The following CDR2L variants were observed in gnomAD, a reference collection of about 807,000 sequenced individuals.
CDR2L encodes the protein cerebellar degeneration-related protein 2-like.
In CDR2L, 19 loss-of-function variants were observed where a neutral mutation model predicts 36.1. The observed-to-expected ratio is 0.53, with a 90% CI of 0.37 to 0.77. The LOEUF (loss-of-function observed/expected upper bound fraction) is 0.77, where lower values mean the gene tolerates loss of function less well. CDR2L is among the 30% of genes least tolerant of loss of function. The probability of loss-of-function intolerance (pLI) is 0.00; values close to 1 mark genes in which losing one functional copy is unlikely to be tolerated. For synonymous variants in CDR2L, 285 were observed against 280.4 expected (o/e 1.02, Z -0.16); for missense variants, 575 against 627.2 (o/e 0.92, Z 0.89).
chr17:74,998,768 C>T (rs1014604994), intron 1 of CDR2L, among the ~76,000 whole-genome samples: 2 of 152,166 alleles, frequency 1.3e-5, no homozygotes, highest in East Asian at 1.9e-4. Context: ...AAGAATATTC[C>T]GTGCGTGAGG....
chr17:75,003,015 G>A (rs2039876199), intron 4 of CDR2L, among the ~76,000 whole-genome samples, 168 bp from the exon 5 acceptor site: 1 of 152,228 alleles, frequency 6.6e-6, no homozygotes, highest in Non-Finnish European at 1.5e-5. Context: ...GAGAGCAGGG[G>A]GAGAAGGGTG....
At position 75,004,646 on chromosome 17, in the gene CDR2L, G is replaced by C. The variant is rs573638805; in HGVS notation, c.*572G>C. 72 of 153,192 alleles carry C rather than the reference G, an allele frequency of 4.7e-4. No individual in the cohort carries two copies. The highest frequency in any genetic ancestry group is 9.3e-4 in the Non-Finnish European group (64 of 68,592). 9.5% of individuals were successfully genotyped at this position (153,192 alleles called of 1,614,324 possible). A position where few individuals can be genotyped will look rare whatever the true frequency, so the allele number is the denominator to read the frequency against. ...CCAGGGTCCTGACCAGGTCAGAGATGTCCCCTGCCATGCAGAGCAGGAAGC... is the reference window on the plus strand; with the variant it reads ...CCAGGGTCCTGACCAGGTCAGAGATCTCCCCTGCCATGCAGAGCAGGAAGC... On this transcript the variant is annotated 3_prime_UTR_variant, in exon 5 of 5. Coordinates refer to ENST00000337231, the MANE Select transcript of CDR2L (RefSeq NM_014603.3).
chr17:75,000,484 G>A (rs952245303), intron 2 of CDR2L, among the ~76,000 whole-genome samples: 15 of 149,698 alleles, frequency 1.0e-4, no homozygotes, highest in Non-Finnish European at 1.8e-4. Flanking sequence ...ATTTTTAGTA[G>A]AGACGAGGTT....
At position 75,003,360 on chromosome 17, in the gene CDR2L, G is replaced by A. The variant is rs1255769733; in HGVS notation, c.684G>A (p.Ser228=). ...REYTAVLQEY[S]ELERQLCEME... ...ACACCGCGGTGCTGCAGGAGTACTCGGAGCTGGAGCGCCAGCTGTGCGAGA... is the reference window on the plus strand; with the variant it reads ...ACACCGCGGTGCTGCAGGAGTACTCAGAGCTGGAGCGCCAGCTGTGCGAGA... The change falls in exon 5 of 5, where the codon TCG becomes TCA. Residue 228 remains serine (S), a synonymous_variant. Transcript: ENST00000337231. 1 of 1,558,158 alleles carries A rather than the reference G, an allele frequency of 6.4e-7. No individual in the cohort carries two copies. The highest frequency in any genetic ancestry group is 8.7e-7 in the Non-Finnish European group (1 of 1,151,798).
intron 1 of CDR2L, among the ~76,000 whole-genome samples, chr17:74,997,506 T>A (rs1194831003): frequency 1.3e-5 from 2 of 152,088 alleles, no homozygotes; most frequent in African/African-American, 4.8e-5. Context: ...CTCTTATCAC[T>A]CACTTAATCT....
rs776084536 is a variant in CDR2L at position 75,003,178 on chromosome 17, G to C, written c.507-5G>C. On this transcript the variant is annotated splice_region_variant and splice_polypyrimidine_tract_variant and intron_variant, in intron 4 of 4. Coordinates refer to ENST00000337231, the MANE Select transcript of CDR2L (RefSeq NM_014603.3). ...CACCCCGCTGCGACTCTCACTACCC[G>C]CCAGGTGCAAGGATGCTTTCCGCCT... 3 of 1,558,056 alleles carry C rather than the reference G, an allele frequency of 1.9e-6. No individual in the cohort carries two copies. Among genetic ancestry groups the C allele is most frequent in the Admixed American group, 3.9e-5 (2 of 51,910 alleles).
chr17:74,999,807 A>AT (rs11344982), intron 2 of CDR2L, among the ~76,000 whole-genome samples, 191 bp downstream of exon 2: 284 of 148,066 alleles, frequency 1.9e-3, no homozygotes, highest in African/African-American at 2.8e-3. Context: ...GCACAACTAG[A>AT]TTTTTTTTTT....
At position 74,994,942 on chromosome 17, in the gene CDR2L, G is replaced by A. The variant is rs544265468; in HGVS notation, c.80-4562G>A. 1.4e-3 allele frequency among the ~76,000 whole-genome samples: 210 copies of A among 152,084 alleles called. 2 individuals carry two copies. Among genetic ancestry groups the A allele is most frequent in the Admixed American group, 8.4e-3 (129 of 15,268 alleles). On this transcript the variant is annotated intron_variant, in intron 1 of 4. Coordinates refer to ENST00000337231, the MANE Select transcript of CDR2L (RefSeq NM_014603.3). Reference sequence around the variant, plus strand: ...AAATTAGCTGGGCGTGGTAGCACGCGCCTGTAGTCCCAGCTACTCGGGAGG... The same window carrying A: ...AAATTAGCTGGGCGTGGTAGCACGCACCTGTAGTCCCAGCTACTCGGGAGG...
At chr17:74,999,648 C>A in intron 2 of CDR2L, 32 bp downstream of exon 2, 1 of 1,352,118 alleles carries the variant, frequency 7.4e-7, no homozygotes, top group Non-Finnish European at 1.0e-6. Context: ...GCCCACACCC[C>A]TCGAGGGCCC....
intron 1 of CDR2L, among the ~76,000 whole-genome samples, chr17:74,988,631 G>C (rs1463171912): frequency 6.6e-6 from 1 of 152,196 alleles, no homozygotes; most frequent in African/African-American, 2.4e-5. Flanking sequence ...CCTACTCAGG[G>C]AGAAGTGGTA....
Position 75,003,678 on chromosome 17 carries a change from C to T in CDR2L, c.1002C>T (p.His334=), listed in dbSNP as rs3744204. 448,754 of 1,458,264 alleles carry T rather than the reference C, an allele frequency of 0.31. 71,547 individuals are homozygous for T. Among genetic ancestry groups the T allele is most frequent in the Admixed American group, 0.42 (15,180 of 36,078 alleles). The allele number at this position is 1,458,264 out of a possible 1,614,324, so 90.3% of individuals were successfully genotyped here. Residue 334 remains histidine, a synonymous_variant, in exon 5 of 5, where the codon CAC becomes CAT. Coordinates refer to ENST00000337231, the MANE Select transcript of CDR2L (RefSeq NM_014603.3). ...TGGCCAAAGACCCAGCCAGCCGGCA[C>T]GCGGGCAACCTCACACTGCACGCCA... The part of the protein sequence containing the change: ...AIVAKDPASR[H]AGNLTLHANS...
In CDR2L at chr17:75,003,311, G is replaced by T; in HGVS notation, c.635G>T (p.Arg212Leu). ...LRSQVSQERQ[R>L]KERAEREYTA... ...TCCCAGGTGAGCCAGGAGCGGCAGC[G>T]CAAGGAGCGGGCGGAGCGCGAGTAC... The change falls in exon 5 of 5, where the codon CGC becomes CTC. Residue 212 changes from arginine to leucine, a missense_variant. Coordinates refer to ENST00000337231, the MANE Select transcript of CDR2L (RefSeq NM_014603.3). The T allele has an allele frequency of 1.9e-6, 3 of 1,555,576 alleles. No individual in the cohort carries two copies. Among genetic ancestry groups the T allele is most frequent in the Non-Finnish European group, 2.6e-6 (3 of 1,150,548 alleles).
chr17:74,997,073 TTTCTTTCTTTC>T lies in CDR2L; in HGVS notation c.80-2428_80-2418del, dbSNP rs1259935734. On this transcript the variant is annotated intron_variant, in intron 1 of 4. Coordinates refer to ENST00000337231, the MANE Select transcript of CDR2L (RefSeq NM_014603.3). ...CTTTCTTTCTTTCTTTCTTTCTTTC[TTTCTTTCTTTC>T]TTTTTTTTTTTTGAGACTGAGTCTC... Among the ~76,000 whole-genome samples, 15 of 3,360 alleles carry T rather than the reference TTTCTTTCTTTC, an allele frequency of 4.5e-3. 1 individual carries two copies. Among genetic ancestry groups the T allele is most frequent in the Admixed American group, 0.022 (3 of 138 alleles). The allele number at this position is 3,360 out of a possible 152,430, so 2.2% of individuals were successfully genotyped here. A position where few individuals can be genotyped will look rare whatever the true frequency, so the allele number is the denominator to read the frequency against.
chr17:74,999,424 G>A, intron 1 of CDR2L, 80 bp from the exon 2 acceptor site: 1 of 927,224 alleles, frequency 1.1e-6, no homozygotes, highest in Non-Finnish European at 1.7e-6. Context: ...GGTTACATTG[G>A]GGTCACCTAG....
intron 1 of CDR2L, among the ~76,000 whole-genome samples, chr17:74,993,497 T>C (rs1338717749): frequency 6.6e-6 from 1 of 152,164 alleles, no homozygotes; most frequent in Non-Finnish European, 1.5e-5. Flanking sequence ...TGCAATGATC[T>C]TTACATCAAA....
intron 1 of CDR2L, among the ~76,000 whole-genome samples, chr17:74,997,058 T>A (rs2039831490): frequency 1.0e-4 from 1 of 10,010 alleles, no homozygotes; most frequent in Non-Finnish European, 9.0e-4. Flanking sequence ...CTTTCTTTCT[T>A]TCTTTCTTTC....
rs950371133 is a variant in CDR2L, at chr17:74,987,875, C to T, written c.-169C>T. The T allele has an allele frequency of 1.6e-5, 5 of 304,786 alleles. No homozygotes were observed. The highest frequency in any genetic ancestry group is 9.4e-4 in the Middle Eastern group (1 of 1,068). The allele number at this position is 304,786 out of a possible 1,614,324, so 18.9% of individuals were successfully genotyped here. A position where few individuals can be genotyped will look rare whatever the true frequency, so the allele number is the denominator to read the frequency against. ...GGCCGGACCCTGGCAAAGCGCCAGG[C>T]CCCGCGTGGGCTCCCGGCGAGCGGT... On this transcript the variant is annotated 5_prime_UTR_variant, in exon 1 of 5. Coordinates refer to ENST00000337231, the MANE Select transcript of CDR2L (RefSeq NM_014603.3).
chr17:74,998,346 C>G (rs1158414044), intron 1 of CDR2L, among the ~76,000 whole-genome samples: 1 of 146,104 alleles, frequency 6.8e-6, no homozygotes, highest in African/African-American at 2.5e-5. Context: ...GGATCCTATC[C>G]CAGGCAGCCG....
chr17:75,000,063 G>A (rs1331142615), intron 2 of CDR2L, among the ~76,000 whole-genome samples: 1 of 152,060 alleles, frequency 6.6e-6, no homozygotes, highest in East Asian at 2.0e-4. Flanking sequence ...GGGAGGCCAA[G>A]GTGGGTGAAA....
Sources: gnomAD v4.1 joint callset for allele counts (sites outside exome capture counted in the v4.1 genomes callset) on GRCh38, gnomAD v4.1.1 for gene constraint, MANE v1.5 for transcripts, NCBI Gene and HGNC (gene_info 2026-07-23, HGNC 2026-07-21) for gene names.